The following PCDH15 variants were observed in gnomAD, a reference collection of about 807,000 sequenced individuals.
PCDH15 encodes the protein protocadherin-15.
A neutral mutation model predicts 178.5 loss-of-function variants in PCDH15; 129 were observed. The observed-to-expected ratio is 0.72, with a 90% CI of 0.63 to 0.84. The LOEUF is 0.84. Among genes scored for constraint, PCDH15 ranks in the 40% least tolerant of loss-of-function variants. PCDH15 has a pLI of 0.00. For missense variants in PCDH15, 2,230 were observed against 2,099.9 expected, an observed-to-expected ratio of 1.06 and a Z score of -1.21; for synonymous variants, 800 against 732.0, an observed-to-expected ratio of 1.09 and a Z score of -1.50.
chr10:53,920,457 A>T (rs982687924), intron 25 of PCDH15, among the ~76,000 whole-genome samples: 11 of 151,978 alleles, frequency 7.2e-5, no homozygotes, highest in African/African-American at 2.4e-4. Flanking sequence ...TATATAATTT[A>T]AAAAAATCAA....
At chr10:54,506,012 ATTTTTC>A (rs2081135878) in intron 3 of PCDH15, among the ~76,000 whole-genome samples, 2 of 152,158 alleles carry the variant, frequency 1.3e-5, no homozygotes, top group African/African-American at 4.8e-5. Context: ...ATTTGGTATA[ATTTTTC>A]TGGAATTCGG....
chr10:54,128,877 A>T (rs1367975249), intron 15 of PCDH15, among the ~76,000 whole-genome samples: 1 of 152,190 alleles, frequency 6.6e-6, no homozygotes, highest in East Asian at 1.9e-4. Context: ...ACATTAGTAC[A>T]TTTACCCCAA....
intron 21 of PCDH15, among the ~76,000 whole-genome samples, chr10:53,975,501 G>T (rs1410534044): frequency 6.6e-6 from 1 of 151,982 alleles, no homozygotes; most frequent in Non-Finnish European, 1.5e-5. Context: ...GTATTTTACT[G>T]TGGTTTTGAT....
At chr10:54,454,447 A>T (rs2076685923) in intron 3 of PCDH15, among the ~76,000 whole-genome samples, 1 of 148,940 alleles carries the variant, frequency 6.7e-6, no homozygotes, top group South Asian at 2.1e-4. Flanking sequence ...TTTATTGTTA[A>T]TTTTAATTAA....
intron 8 of PCDH15, among the ~76,000 whole-genome samples, chr10:54,290,988 C>G (rs532584843): frequency 3.1e-4 from 47 of 152,270 alleles, no homozygotes; most frequent in South Asian, 1.7e-3. Flanking sequence ...GACAGATCAA[C>G]AAGACAGAAG....
At chr10:55,362,312 A>G (rs1845251224) in intron 2 of PCDH15, among the ~76,000 whole-genome samples, 1 of 152,146 alleles carries the variant, frequency 6.6e-6, no homozygotes, top group Non-Finnish European at 1.5e-5. Flanking sequence ...CATTACAGAA[A>G]TATTTATGGC....
intron 2 of PCDH15, among the ~76,000 whole-genome samples, chr10:55,474,837 C>T (rs1840032258): frequency 6.6e-6 from 1 of 152,044 alleles, no homozygotes; most frequent in Admixed American, 6.6e-5. Flanking sequence ...TTAGTATTAG[C>T]AAATTCTGTA....
intron 2 of PCDH15, among the ~76,000 whole-genome samples, chr10:55,116,251 T>C (rs1362659793): frequency 6.6e-6 from 1 of 152,210 alleles, no homozygotes; most frequent in Non-Finnish European, 1.5e-5. Flanking sequence ...AAAAAATCTT[T>C]CAACCATTCT....
chr10:55,403,990 G>C (rs1474413230), intron 2 of PCDH15, among the ~76,000 whole-genome samples: 1 of 151,990 alleles, frequency 6.6e-6, no homozygotes, highest in Admixed American at 6.6e-5. Flanking sequence ...AATGGATACA[G>C]TCTAACTATG....
intron 2 of PCDH15, among the ~76,000 whole-genome samples, chr10:55,062,752 G>A (rs1192094422): frequency 1.3e-5 from 2 of 152,126 alleles, no homozygotes; most frequent in East Asian, 3.9e-4. Flanking sequence ...TGATAACGAA[G>A]TATTACTATA....
Position 54,664,206 on chromosome 10 carries a change from A to C in PCDH15, c.57T>G (p.Ser19=). 1 of 1,612,404 alleles carries C rather than the reference A, an allele frequency of 6.2e-7. No individual in the cohort carries two copies. ...ACTGGCCCAAGCAGATTTCAAAGAG[A>C]GAGCCCAGGATGATCCCTGAAGCTA... is the stretch of plus-strand genomic sequence containing the variant. The part of the protein sequence containing the change: ...TCLASGIILG[S]LFEICLGQYD... The change falls in exon 2 of 38, where the codon TCT becomes TCG. Residue 19 remains serine, a synonymous_variant. Transcript: ENST00000644397.
intron 21 of PCDH15, among the ~76,000 whole-genome samples, chr10:53,968,292 T>G (rs978800725): frequency 6.6e-6 from 1 of 152,030 alleles, no homozygotes; most frequent in African/African-American, 2.4e-5. Flanking sequence ...AAGGCAGCAG[T>G]GAGGCTAGGG....
rs566437618 is a variant in PCDH15, at chr10:54,340,797, A to G, written c.594+5568T>C. Among the ~76,000 whole-genome samples, 8 of 152,238 alleles carry G rather than the reference A, an allele frequency of 5.3e-5. 1 individual carries two copies. The South Asian group carries it at 1.7e-3, about 32-fold the overall frequency. ...TTTTCTTTTGGGGCAGGCTGTCCAC[A>G]TGCACAGTGCCTGCTGGTGCACTTG... is the stretch of plus-strand genomic sequence containing the variant. On this transcript the variant is annotated intron_variant, in intron 6 of 37. Transcript: ENST00000644397.
chr10:55,489,068 TACTCA>T (rs1481982346), intron 2 of PCDH15, among the ~76,000 whole-genome samples: 2 of 151,530 alleles, frequency 1.3e-5, no homozygotes, highest in African/African-American at 2.4e-5. Flanking sequence ...ATTTTCCATA[TACTCA>T]ACTCAATATA....
chr10:53,849,420 C>A (rs2078197476), intron 28 of PCDH15, among the ~76,000 whole-genome samples: 1 of 151,880 alleles, frequency 6.6e-6, no homozygotes. Context: ...GAATGAATGA[C>A]GACCATTAAA....
chr10:54,881,896 C>T (rs1377456077), intron 3 of PCDH15, among the ~76,000 whole-genome samples: 4 of 151,972 alleles, frequency 2.6e-5, no homozygotes, highest in Admixed American at 2.6e-4. Context: ...AGGAATATTC[C>T]CATTTAAAGT....
chr10:54,438,955 G>A (rs1221472931), intron 3 of PCDH15, among the ~76,000 whole-genome samples: 12 of 152,172 alleles, frequency 7.9e-5, no homozygotes, highest in Admixed American at 6.5e-4. Flanking sequence ...TGAGGTCAAT[G>A]AAGGTTGTAG....
At chr10:54,549,682 C>T (rs1266276301) in intron 2 of PCDH15, among the ~76,000 whole-genome samples, 3 of 151,430 alleles carry the variant, frequency 2.0e-5, no homozygotes, top group Admixed American at 6.6e-5. Flanking sequence ...TATATATGTC[C>T]ACTGGAAAGT....
chr10:54,789,630 T>C (rs1054698659), intron 1 of PCDH15, among the ~76,000 whole-genome samples: 2 of 151,978 alleles, frequency 1.3e-5, no homozygotes, highest in Admixed American at 1.3e-4. Flanking sequence ...GTAAGCATAT[T>C]GATGTTTAAA....
Sources: allele counts gnomAD v4.1 joint callset (sites outside exome capture counted in the v4.1 genomes callset), GRCh38; gene constraint gnomAD v4.1.1; transcripts MANE v1.5; gene names NCBI Gene and HGNC (gene_info 2026-07-23, HGNC 2026-07-21).